The following ZNF503 variants were observed in gnomAD, a reference collection of about 807,000 sequenced individuals.
ZNF503 encodes zinc finger protein 503.
ZNF503 carries 15 observed loss-of-function variants against 34.4 expected under a neutral mutation model. The observed-to-expected ratio is 0.44, with a 90% CI of 0.29 to 0.67. ZNF503 has a LOEUF of 0.67. ZNF503 is among the 30% of genes least tolerant of loss of function. ZNF503 has a pLI of 0.13. For synonymous variants in ZNF503, 580 were observed against 456.8 expected (o/e 1.27, Z -3.44); for missense variants, 1,007 against 926.8 (o/e 1.09, Z -1.12).
At position 75,398,830 on chromosome 10, in the gene ZNF503, G is replaced by A. The variant is rs1053391; in HGVS notation, c.1860C>T (p.Pro620=). The change falls in exon 2 of 2, where the codon CCC becomes CCT. Residue 620 remains proline, a synonymous_variant. Coordinates refer to ENST00000372524, the MANE Select transcript of ZNF503 (RefSeq NM_032772.6). ...LPTPGAPVPV[P]AATGPYYSPY... ...GGGAGTAGTACGGTCCGGTGGCGGC[G>A]GGCACCGGCACGGGGGCGCCAGGCG... 758 of 1,499,574 alleles carry A rather than the reference G, an allele frequency of 5.1e-4. 3 individuals are homozygous for A. The Middle Eastern group carries it at 0.015, about 29-fold the overall frequency. 92.9% of individuals were successfully genotyped at this position (1,499,574 alleles called of 1,614,324 possible).
At chr10:75,288,168 A>G in the ZNF503 span, among the ~76,000 whole-genome samples, 1 of 152,248 alleles carries the variant, frequency 6.6e-6, no homozygotes, top group South Asian at 2.1e-4. Context: ...ATTGGCAGCA[A>G]GATCATAATC....
the ZNF503 span, among the ~76,000 whole-genome samples, chr10:75,361,844 T>C: frequency 6.6e-6 from 1 of 152,172 alleles, no homozygotes; most frequent in Non-Finnish European, 1.5e-5. Flanking sequence ...GTGGGTGCTG[T>C]GTGCCTGGGC....
the ZNF503 span, among the ~76,000 whole-genome samples, chr10:75,281,023 G>A: frequency 9.2e-5 from 14 of 152,168 alleles, no homozygotes; most frequent in African/African-American, 3.4e-4. Flanking sequence ...AGGAGGCTGG[G>A]GACACACAAA....
the ZNF503 span, among the ~76,000 whole-genome samples, chr10:75,317,168 A>T: frequency 6.6e-6 from 1 of 150,714 alleles, no homozygotes; most frequent in Admixed American, 6.6e-5. Context: ...TCTCAAACTC[A>T]TGAGCTCAAA....
the ZNF503 span, among the ~76,000 whole-genome samples, chr10:75,307,131 C>A: frequency 6.6e-6 from 1 of 152,202 alleles, no homozygotes; most frequent in South Asian, 2.1e-4. Context: ...AGTGAGGAAG[C>A]CACATCAAAA....
the ZNF503 span, among the ~76,000 whole-genome samples, chr10:75,328,292 T>G: frequency 6.6e-6 from 1 of 152,180 alleles, no homozygotes; most frequent in Non-Finnish European, 1.5e-5. Flanking sequence ...AAGTGTCTAG[T>G]TTCATTTATT....
chr10:75,338,996 GGCGGGTGGATT>G, the ZNF503 span, among the ~76,000 whole-genome samples: 1 of 152,168 alleles, frequency 6.6e-6, no homozygotes, highest in Non-Finnish European at 1.5e-5. Flanking sequence ...TGGAGGCCGA[GGCGGGTGGATT>G]GCTTGAGCTC....
chr10:75,297,854 T>G, the ZNF503 span, among the ~76,000 whole-genome samples: 1 of 152,202 alleles, frequency 6.6e-6, no homozygotes, highest in Non-Finnish European at 1.5e-5. Flanking sequence ...CTATCCTCCT[T>G]TATTTCATTT....
the ZNF503 span, among the ~76,000 whole-genome samples, chr10:75,301,280 G>T: frequency 6.6e-6 from 1 of 151,916 alleles, no homozygotes; most frequent in African/African-American, 2.4e-5. Flanking sequence ...TTGCTCTGTT[G>T]CCCAGGATGG....
chr10:75,293,099 C>T, the ZNF503 span, among the ~76,000 whole-genome samples: 5 of 152,172 alleles, frequency 3.3e-5, no homozygotes, highest in Non-Finnish European at 5.9e-5. Context: ...ATAAACACGG[C>T]TTCCGAGGTC....
rs1291521768 is a variant in ZNF503, at chr10:75,399,337, G to A, written c.1353C>T (p.Cys451=). ...LAGAAAASAS[C]AHDPAAAAAA... is the part of the protein sequence containing the mutation. ...CAGCCGCAGCAGCCGGATCATGTGC[G>A]CAAGAAGCGCTGGCGGCCGCCGCCC... Residue 451 remains cysteine, a synonymous_variant, in exon 2 of 2, where the codon TGC becomes TGT. Coordinates refer to ENST00000372524, the MANE Select transcript of ZNF503 (RefSeq NM_032772.6). 3.7e-6 allele frequency: 6 copies of A among 1,604,888 alleles called. No individual in the cohort carries two copies. The highest frequency in any genetic ancestry group is 3.4e-5 in the Admixed American group (2 of 59,494).
At chr10:75,378,016 A>G in the ZNF503 span, among the ~76,000 whole-genome samples, 1 of 152,070 alleles carries the variant, frequency 6.6e-6, no homozygotes, top group African/African-American at 2.4e-5. Context: ...GGTTCCACAC[A>G]CTTTTAAACA....
Position 75,400,108 on chromosome 10 carries a change from G to GCCTCCA in ZNF503, c.576_581dup (p.Gly203_Gly204dup). The stretch of plus-strand genomic sequence containing the variant: ...CGCCGCCGCCCCCGCCACCGCCACC[G>GCCTCCA]CCTCCACCGCCGCCTCCCGGCTCCT... On this transcript the variant is annotated inframe_insertion, in exon 2 of 2. Transcript: ENST00000372524. The GCCTCCA allele has an allele frequency of 9.0e-6, 7 of 779,764 alleles. No individual in the cohort carries two copies. The South Asian group carries it at 1.2e-4, about 14-fold the overall frequency. The allele number at this position is 779,764 out of a possible 1,614,324, so 48.3% of individuals were successfully genotyped here.
chr10:75,292,759 G>C, the ZNF503 span, among the ~76,000 whole-genome samples: 1 of 152,198 alleles, frequency 6.6e-6, no homozygotes, highest in African/African-American at 2.4e-5. Context: ...AGACCTCAGG[G>C]AACAGGCAAG....
the ZNF503 span, among the ~76,000 whole-genome samples, chr10:75,334,142 C>T: frequency 2.7e-5 from 4 of 148,006 alleles, no homozygotes; most frequent in East Asian, 2.1e-4. Context: ...GGGTGGCGGC[C>T]GGGCAGAGGC....
At chr10:75,348,927 C>G in the ZNF503 span, among the ~76,000 whole-genome samples, 8 of 152,098 alleles carry the variant, frequency 5.3e-5, no homozygotes, top group African/African-American at 1.7e-4. Flanking sequence ...ATATATTCAC[C>G]TAATATACCA....
At chr10:75,361,457 G>A in the ZNF503 span, 11 of 152,270 alleles carry the variant, frequency 7.2e-5, no homozygotes, top group South Asian at 2.3e-3. Context: ...AATGTGAATT[G>A]AACACCTAGT....
chr10:75,330,712 TTTTA>T, the ZNF503 span, among the ~76,000 whole-genome samples: 1 of 152,152 alleles, frequency 6.6e-6, no homozygotes, highest in African/African-American at 2.4e-5. Flanking sequence ...TGATTTTTGA[TTTTA>T]TTTATTTGAA....
rs1486126962 is a variant in ZNF503, at chr10:75,399,470, G to A, written c.1220C>T (p.Pro407Leu). 6.3e-7 allele frequency: 1 copy of A among 1,581,860 alleles called. No homozygotes were observed. The highest frequency in any genetic ancestry group is 2.3e-5 in the East Asian group (1 of 43,732). Residue 407 changes from proline (P) to leucine (L), a missense_variant, in exon 2 of 2, where the codon CCG (proline) becomes CTG (leucine). Coordinates refer to ENST00000372524, the MANE Select transcript of ZNF503 (RefSeq NM_032772.6). The part of the protein sequence containing the change: ...AAAGSLGCSK[P>L]AGSSPLAGAS... ...TCCGGCCAAAGGGCTGGAGCCGGCC[G>A]GCTTACTGCAGCCCAGAGACCCGGC...
Sources: allele counts gnomAD v4.1 joint callset (sites outside exome capture counted in the v4.1 genomes callset), GRCh38; gene constraint gnomAD v4.1.1; transcripts MANE v1.5; gene names NCBI Gene and HGNC (gene_info 2026-07-23, HGNC 2026-07-21).